Variants in PAXIP1 observed in about 807,000 individuals in gnomAD.
The protein encoded by PAXIP1 is PAX interacting protein 1, also known as PAX-interacting protein 1.
PAXIP1 carries 19 observed loss-of-function variants against 140.6 expected under a neutral mutation model. That is an observed-to-expected ratio of 0.14 (90% confidence interval 0.09 to 0.20). The LOEUF (loss-of-function observed/expected upper bound fraction) is 0.20, where lower values mean the gene tolerates loss of function less well. Among genes scored for constraint, PAXIP1 ranks in the 10% least tolerant of loss-of-function variants. The pLI is 1.00. For missense variants in PAXIP1, 920 were observed against 1,208.6 expected (o/e 0.76, Z 3.54); for synonymous variants, 442 against 444.6 (o/e 0.99, Z 0.07).
At chr7:154,970,914 T>C (rs993270065) in intron 6 of PAXIP1, among the ~76,000 whole-genome samples, 3 of 152,174 alleles carry the variant, frequency 2.0e-5, no homozygotes, top group Admixed American at 2.0e-4. Flanking sequence ...CATGGAACTC[T>C]GAGGGATGGT....
intron 16 of PAXIP1, among the ~76,000 whole-genome samples, chr7:154,952,518 G>A (rs922338078): frequency 6.6e-6 from 1 of 152,226 alleles, no homozygotes; most frequent in African/African-American, 2.4e-5. Flanking sequence ...GCAGTGATGT[G>A]CCTTATGGAG....
chr7:155,000,777 T>A (rs1386299436), intron 1 of PAXIP1: 1 of 152,244 alleles, frequency 6.6e-6, no homozygotes, highest in South Asian at 2.1e-4. Context: ...ATAGTGATCA[T>A]CCTGATGTAT....
intron 1 of PAXIP1, among the ~76,000 whole-genome samples, chr7:154,999,729 G>T (rs536873539): frequency 2.6e-5 from 4 of 152,320 alleles, no homozygotes; most frequent in Admixed American, 1.3e-4. Flanking sequence ...TTCTTTGGGG[G>T]TCGTGTTAAT....
chr7:154,949,331 G>A (rs529074261), intron 16 of PAXIP1: 1 of 152,296 alleles, frequency 6.6e-6, no homozygotes, highest in South Asian at 2.1e-4. Context: ...CTGGGCAGGA[G>A]CAACCACATC....
intron 12 of PAXIP1, 71 bp downstream of exon 12, chr7:154,960,822 T>C: frequency 8.7e-7 from 1 of 1,142,886 alleles, no homozygotes; most frequent in East Asian, 2.7e-5. Context: ...TTAGTATGAA[T>C]AAAAAGATGG....
At chr7:154,995,624 C>T (rs577599745) in intron 2 of PAXIP1, among the ~76,000 whole-genome samples, 131 of 152,258 alleles carry the variant, frequency 8.6e-4, no homozygotes, top group African/African-American at 2.8e-3. Flanking sequence ...CCAAGGCGGG[C>T]GGATCACTTG....
At chr7:154,964,276 A>G (rs1808900424) in intron 8 of PAXIP1, 1 of 154,020 alleles carries the variant, frequency 6.5e-6, no homozygotes, top group East Asian at 1.9e-4. Context: ...TTCTTCTCAA[A>G]ACACATCTGG....
At chr7:154,944,676 T>C (rs1450727374) in intron 20 of PAXIP1, 2 of 152,602 alleles carry the variant, frequency 1.3e-5, no homozygotes, top group Non-Finnish European at 2.9e-5. Context: ...TGAAAGTAAA[T>C]GTAGTGTAGA....
At chr7:154,987,437 C>T (rs1257823929) in intron 4 of PAXIP1, among the ~76,000 whole-genome samples, 1 of 152,198 alleles carries the variant, frequency 6.6e-6, no homozygotes, top group East Asian at 1.9e-4. Context: ...AGTATCATCT[C>T]TGTTTTCAAG....
At chr7:154,945,795 T>A in intron 20 of PAXIP1, 1 of 984,840 alleles carries the variant, frequency 1.0e-6, no homozygotes, top group African/African-American at 1.7e-5. Context: ...ATTCAGAGAT[T>A]TTTAATAAGG....
rs1435052279 is a variant in PAXIP1, at chr7:154,961,098, A to G, written c.2250-21T>C. ...TTGGTCTTTTTATTTTTTGAGGAGA[A>G]AACATATTTATTAAATGTTAGAGAT... On this transcript the variant is annotated intron_variant, in intron 11 of 20. Transcript: ENST00000404141. 3 of 1,480,420 alleles carry G rather than the reference A, an allele frequency of 2.0e-6. No homozygotes were observed. In the Admixed American group the frequency reaches 7.2e-5, roughly 35 times the overall value. The allele number at this position is 1,480,420 out of a possible 1,614,324, so 91.7% of individuals were successfully genotyped here. A position where few individuals can be genotyped will look rare whatever the true frequency, so the allele number is the denominator to read the frequency against.
chr7:154,956,202 A>AT lies in PAXIP1; in HGVS notation c.2550-572dup, dbSNP rs1808504641. ...TTAAACCTTTTTGTTTTTTACATGA[A>AT]TTTTTTAGGTCTTTTTTTCAGGTTA... On this transcript the variant is annotated intron_variant, in intron 14 of 20. Transcript: ENST00000404141. The surrounding 1 kb of genome is among the most constrained non-coding windows in gnomAD (Gnocchi z 4.2). Among the ~76,000 whole-genome samples, 1 of 152,162 alleles carries AT rather than the reference A, an allele frequency of 6.6e-6. No individual in the cohort carries two copies. The highest frequency in any genetic ancestry group is 1.5e-5 in the Non-Finnish European group (1 of 68,028).
chr7:154,951,829 G>T (rs1185028117), intron 16 of PAXIP1: 2 of 152,136 alleles, frequency 1.3e-5, no homozygotes. Context: ...AAAAGAAAAA[G>T]AATAAGCAAA....
chr7:154,990,042 T>A (rs560411285), intron 4 of PAXIP1, among the ~76,000 whole-genome samples: 59 of 147,650 alleles, frequency 4.0e-4, no homozygotes, highest in African/African-American at 1.3e-3. Flanking sequence ...TTTCTCTTTT[T>A]TTTTTTTTTT....
intron 12 of PAXIP1, among the ~76,000 whole-genome samples, 168 bp from the exon 13 acceptor site, chr7:154,960,101 G>C (rs1468342000): frequency 6.6e-6 from 1 of 152,198 alleles, no homozygotes; most frequent in Non-Finnish European, 1.5e-5. Context: ...AAGCTTTCCA[G>C]GCAAGGTGAG....
At chr7:155,001,467 C>G (rs551096594) in intron 1 of PAXIP1, 6 of 151,284 alleles carry the variant, frequency 4.0e-5, no homozygotes, top group South Asian at 2.1e-4. Context: ...TGTTCAGCAA[C>G]TGTTTTACTC....
chr7:154,947,487 A>G (rs1206935113), intron 17 of PAXIP1: 1 of 177,712 alleles, frequency 5.6e-6, no homozygotes, highest in African/African-American at 2.4e-5. Flanking sequence ...ATCTATGCAC[A>G]CACTGAATAT....
At chr7:154,974,439 T>C (rs1030750067) in intron 6 of PAXIP1, 8 of 152,214 alleles carry the variant, frequency 5.3e-5, no homozygotes, top group Non-Finnish European at 1.2e-4. Context: ...TAGAACTCAT[T>C]CACCTTATGA....
At chr7:154,983,110 T>G (rs1051836955) in intron 5 of PAXIP1, 109 bp downstream of exon 5, 2 of 595,278 alleles carry the variant, frequency 3.4e-6, no homozygotes, top group Non-Finnish European at 5.9e-6. Context: ...ATAATCAGCT[T>G]TTGTAAATGA....
Sources: allele counts gnomAD v4.1 joint callset (sites outside exome capture counted in the v4.1 genomes callset), GRCh38; gene constraint gnomAD v4.1.1; non-coding constraint Gnocchi (gnomAD v3.1); transcripts MANE v1.5; gene names NCBI Gene and HGNC (gene_info 2026-07-23, HGNC 2026-07-21).